The following GMDS variants were observed in gnomAD, a reference collection of about 807,000 sequenced individuals.
GMDS encodes GDP-mannose 4,6 dehydratase.
Under a neutral mutation model 49.9 loss-of-function variants are expected in GMDS, and 20 were observed. The ratio of observed to expected loss-of-function variants is 0.40; its 90% confidence interval spans 0.28 to 0.58. The LOEUF is 0.58. GMDS is among the 20% of genes least tolerant of loss of function. The pLI, the probability that GMDS is intolerant of heterozygous loss-of-function variation, is 0.42. For synonymous variants in GMDS, 177 were observed against 178.6 expected, an observed-to-expected ratio of 0.99 and a Z score of 0.07; for missense variants, 362 against 481.4, an observed-to-expected ratio of 0.75 and a Z score of 2.32.
chr6:2,002,923 T>C (rs1766919075), intron 4 of GMDS, among the ~76,000 whole-genome samples: 1 of 152,164 alleles, frequency 6.6e-6, no homozygotes, highest in Non-Finnish European at 1.5e-5. Context: ...GAAAAGTTCT[T>C]GTGGACAGGT....
At chr6:1,692,535 C>T (rs148110086) in intron 9 of GMDS, among the ~76,000 whole-genome samples, 47 of 152,328 alleles carry the variant, frequency 3.1e-4, no homozygotes, top group African/African-American at 7.9e-4. Flanking sequence ...CAATTACACA[C>T]ATACATTAGG....
At chr6:2,221,508 C>T (rs1031883390) in intron 1 of GMDS, among the ~76,000 whole-genome samples, 1 of 152,146 alleles carries the variant, frequency 6.6e-6, no homozygotes, top group African/African-American at 2.4e-5. Flanking sequence ...CCTGCCTCAG[C>T]CTCCAGAGTA....
At chr6:2,222,474 A>G (rs777504644) in intron 1 of GMDS, among the ~76,000 whole-genome samples, 1 of 152,188 alleles carries the variant, frequency 6.6e-6, no homozygotes, top group Non-Finnish European at 1.5e-5. Flanking sequence ...TTGGGTACTC[A>G]TCAGGTGCTT....
intron 1 of GMDS, among the ~76,000 whole-genome samples, chr6:2,150,762 T>C (rs1776804186): frequency 6.6e-6 from 1 of 152,224 alleles, no homozygotes; most frequent in South Asian, 2.1e-4. Flanking sequence ...AATTACTCAG[T>C]AAATTTAAAA....
At chr6:1,925,649 T>G (rs12530211) in intron 7 of GMDS, among the ~76,000 whole-genome samples, 27,854 of 152,174 alleles carry the variant, frequency 0.18, 2,689 homozygotes, top group African/African-American at 0.24. Flanking sequence ...TAAAAAAGTG[T>G]CAGTCACTTC....
At chr6:1,730,250 C>T (rs1473093258) in intron 8 of GMDS, among the ~76,000 whole-genome samples, 5 of 152,236 alleles carry the variant, frequency 3.3e-5, no homozygotes, top group South Asian at 2.1e-4. Flanking sequence ...TTGCTCCTTC[C>T]GCAGACCCCT....
chr6:2,169,994 G>A (rs1777887593), intron 1 of GMDS, among the ~76,000 whole-genome samples: 1 of 152,074 alleles, frequency 6.6e-6, no homozygotes, highest in African/African-American at 2.4e-5. Flanking sequence ...ACCTGAGGTC[G>A]GGAGTTCACG....
intron 4 of GMDS, among the ~76,000 whole-genome samples, chr6:2,087,944 T>C (rs748823558): frequency 4.6e-5 from 7 of 152,224 alleles, no homozygotes; most frequent in Admixed American, 3.9e-4. Flanking sequence ...TTATGCCAAG[T>C]AGGATCTTTG....
chr6:1,893,367 T>C (rs187393048), intron 7 of GMDS, among the ~76,000 whole-genome samples: 102 of 152,002 alleles, frequency 6.7e-4, no homozygotes, highest in Middle Eastern at 3.4e-3. Flanking sequence ...CTAACTTGTA[T>C]TTTTAGTAGA....
chr6:1,995,519 A>T (rs1335137336), intron 4 of GMDS, among the ~76,000 whole-genome samples: 2 of 148,870 alleles, frequency 1.3e-5, no homozygotes, highest in Non-Finnish European at 3.0e-5. Flanking sequence ...ACAACAACAA[A>T]ATCAACTCCA....
intron 1 of GMDS, among the ~76,000 whole-genome samples, chr6:2,198,163 GA>G (rs1779356171): frequency 6.6e-6 from 1 of 152,198 alleles, no homozygotes; most frequent in Admixed American, 6.5e-5. Context: ...CAGCCAATGA[GA>G]AAAGTAACGA....
intron 7 of GMDS, among the ~76,000 whole-genome samples, chr6:1,799,524 G>T (rs549874286): frequency 6.6e-6 from 1 of 152,162 alleles, no homozygotes; most frequent in South Asian, 2.1e-4. Flanking sequence ...CATTATTATC[G>T]AAATAGGTGA....
At chr6:1,881,646 A>T (rs1261530644) in intron 7 of GMDS, among the ~76,000 whole-genome samples, 1 of 152,226 alleles carries the variant, frequency 6.6e-6, no homozygotes, top group African/African-American at 2.4e-5. Context: ...CACACAAAAA[A>T]ATGTTCTGTT....
chr6:2,207,900 C>G (rs909306664), intron 1 of GMDS, among the ~76,000 whole-genome samples: 2 of 151,862 alleles, frequency 1.3e-5, no homozygotes, highest in African/African-American at 4.9e-5. Context: ...TTCTCTAAAA[C>G]AGGATCTTGA....
intron 7 of GMDS, among the ~76,000 whole-genome samples, chr6:1,807,096 G>A (rs1270925114): frequency 6.6e-6 from 1 of 151,992 alleles, no homozygotes; most frequent in Non-Finnish European, 1.5e-5. Context: ...AGGCTGGAGT[G>A]CGGTGTGGCA....
intron 7 of GMDS, among the ~76,000 whole-genome samples, chr6:1,820,468 A>G (rs897422085): frequency 3.3e-5 from 5 of 152,198 alleles, no homozygotes; most frequent in African/African-American, 1.2e-4. Flanking sequence ...TATCTGACTA[A>G]TGGTTATTTA....
At chr6:2,008,380 A>G (rs1281289733) in intron 4 of GMDS, among the ~76,000 whole-genome samples, 1 of 152,198 alleles carries the variant, frequency 6.6e-6, no homozygotes. Context: ...ACACTTACAT[A>G]TGATGCGTTT....
chr6:2,034,178 C>A (rs1769143994), intron 4 of GMDS, among the ~76,000 whole-genome samples: 1 of 152,114 alleles, frequency 6.6e-6, no homozygotes, highest in Non-Finnish European at 1.5e-5. Context: ...CAGTAAACTT[C>A]TTTAGTTTAC....
At chr6:1,741,749 T>C (rs2113488107) in intron 8 of GMDS, among the ~76,000 whole-genome samples, 1 of 130,602 alleles carries the variant, frequency 7.7e-6, no homozygotes, top group South Asian at 2.5e-4. Context: ...GAGGTGGAGG[T>C]TGCAGTGAGC....
Sources: allele counts gnomAD v4.1 joint callset (sites outside exome capture counted in the v4.1 genomes callset), GRCh38; gene constraint gnomAD v4.1.1; transcripts MANE v1.5; gene names NCBI Gene and HGNC (gene_info 2026-07-23, HGNC 2026-07-21).